The following DEUP1 variants were observed in gnomAD, a reference collection of about 807,000 sequenced individuals.
DEUP1 encodes deuterosome assembly protein 1.
In DEUP1, 82 loss-of-function variants were observed where a neutral mutation model predicts 87.4. That is an observed-to-expected ratio of 0.94 (90% confidence interval 0.78 to 1.13). The LOEUF (loss-of-function observed/expected upper bound fraction) is 1.13. Ranked by LOEUF, DEUP1 falls within the 50% of genes most tolerant of loss-of-function variation. The pLI is 0.00. For synonymous variants in DEUP1, 214 were observed against 222.7 expected (o/e 0.96, Z 0.35); for missense variants, 663 against 681.5 (o/e 0.97, Z 0.30).
chr11:93,394,528 T>TG lies in DEUP1; in HGVS notation c.1111_1112insG (p.Ser371CysfsTer2). On this transcript the variant is annotated frameshift_variant, in exon 10 of 14. Transcript: ENST00000298050. LOFTEE classifies it high-confidence loss of function. ...GCAGGAAAGAATGAGGAATGAAATC[T>TG]CTGACCTAACAGAAGAGCTTCATCA... The TG allele has an allele frequency of 6.2e-7, 1 of 1,610,228 alleles. No homozygotes were observed. Among genetic ancestry groups the TG allele is most frequent in the Non-Finnish European group, 8.5e-7 (1 of 1,178,076 alleles).
chr11:93,356,365 G>A (rs1222991369), intron 3 of DEUP1, among the ~76,000 whole-genome samples: 1 of 152,048 alleles, frequency 6.6e-6, no homozygotes, highest in East Asian at 1.9e-4. Context: ...AGTAGAGGTA[G>A]GTCATCAAAA....
chr11:93,420,934 A>G (rs1947856134), intron 13 of DEUP1, among the ~76,000 whole-genome samples: 1 of 57,472 alleles, frequency 1.7e-5, no homozygotes, highest in South Asian at 8.9e-4. Context: ...AAATGGAAGA[A>G]CATTCCATGC....
chr11:93,428,383 G>A (rs946652593), intron 13 of DEUP1, among the ~76,000 whole-genome samples: 7 of 151,498 alleles, frequency 4.6e-5, no homozygotes, highest in African/African-American at 1.7e-4. Context: ...CTCATTGATG[G>A]GCATTGAACA....
At chr11:93,366,164 A>C (rs369517754) in intron 5 of DEUP1, among the ~76,000 whole-genome samples, 1 of 152,184 alleles carries the variant, frequency 6.6e-6, no homozygotes, top group Admixed American at 6.5e-5. Flanking sequence ...AAATATACCA[A>C]CAAAAAAGGG....
chr11:93,360,976 A>G (rs1945149908), intron 4 of DEUP1, among the ~76,000 whole-genome samples: 1 of 151,956 alleles, frequency 6.6e-6, no homozygotes, highest in South Asian at 2.1e-4. Context: ...ATAAATCAAA[A>G]GACAGCCATA....
chr11:93,365,962 A>G (rs1381081244), intron 5 of DEUP1, among the ~76,000 whole-genome samples: 1 of 152,224 alleles, frequency 6.6e-6, no homozygotes, highest in Admixed American at 6.5e-5. Context: ...AACTGAAAAC[A>G]GGCCTTGCCT....
chr11:93,369,151 A>G (rs1945577530), intron 5 of DEUP1, among the ~76,000 whole-genome samples: 1 of 152,116 alleles, frequency 6.6e-6, no homozygotes, highest in Admixed American at 6.5e-5. Context: ...AGGGAGAAAG[A>G]AAGAGAGAGG....
In DEUP1 at chr11:93,355,421, T is replaced by A; in HGVS notation, c.80T>A (p.Ile27Asn). ...ELQELMEQID[I>N]MVSNKKMDWE... Reference sequence around the variant, plus strand: ...CAGGAATTAATGGAACAAATTGACATCATGGTAAGCAACAAGAAAATGGAT... The same window carrying A: ...CAGGAATTAATGGAACAAATTGACAACATGGTAAGCAACAAGAAAATGGAT... Residue 27 changes from isoleucine to asparagine, a missense_variant, in exon 3 of 14, where the codon ATC becomes AAC. Coordinates refer to ENST00000298050, the MANE Select transcript of DEUP1 (RefSeq NM_181645.4). The A allele has an allele frequency of 6.2e-7, 1 of 1,613,722 alleles. No individual in the cohort carries two copies. The highest frequency in any genetic ancestry group is 8.5e-7 in the Non-Finnish European group (1 of 1,179,750).
chr11:93,415,438 T>C lies in DEUP1; in HGVS notation c.1638+324T>C, dbSNP rs148812389. 5.9e-5 allele frequency among the ~76,000 whole-genome samples: 9 copies of C among 152,280 alleles called. No homozygotes were observed. The East Asian group carries it at 1.7e-3, about 29-fold the overall frequency. Reference sequence around the variant, plus strand: ...CCATGAGTCCTCAAGGATCCGTATATTTTAAAGAGCTACAGTGATCTTTTG... The same window carrying C: ...CCATGAGTCCTCAAGGATCCGTATACTTTAAAGAGCTACAGTGATCTTTTG... On this transcript the variant is annotated intron_variant, in intron 13 of 13. Transcript: ENST00000298050.
intron 2 of DEUP1, among the ~76,000 whole-genome samples, chr11:93,337,104 T>C (rs1309900508): frequency 6.6e-6 from 1 of 152,198 alleles, no homozygotes; most frequent in African/African-American, 2.4e-5. Flanking sequence ...ACCAGATTCT[T>C]CTTATCTGCT....
At chr11:93,419,852 A>C (rs1300604418) in intron 13 of DEUP1, among the ~76,000 whole-genome samples, 1 of 147,516 alleles carries the variant, frequency 6.8e-6, no homozygotes, top group Non-Finnish European at 1.5e-5. Context: ...CCTTCAAAAA[A>C]ATAATAAAAT....
intron 13 of DEUP1, among the ~76,000 whole-genome samples, chr11:93,419,182 TAA>T (rs1565349295): frequency 1.7e-4 from 19 of 115,030 alleles, no homozygotes; most frequent in South Asian, 3.1e-4. Context: ...TAAAGTATAA[TAA>T]TAAAAAAAAA....
At position 93,383,596 on chromosome 11, in the gene DEUP1, A is replaced by G. The variant is rs979569828; in HGVS notation, c.790-1802A>G. The G allele has an allele frequency of 1.8e-5, 12 of 671,952 alleles. No individual in the cohort carries two copies. The Admixed American group carries it at 2.0e-4, about 11-fold the overall frequency. The allele number at this position is 671,952 out of a possible 1,614,324, so 41.6% of individuals were successfully genotyped here. ...AAAACTGCTGGATTGTACACTTTAA[A>G]TGGGCGAATTTATGGTATGTGGATT... On this transcript the variant is annotated intron_variant, in intron 7 of 13. Transcript: ENST00000298050.
intron 13 of DEUP1, among the ~76,000 whole-genome samples, chr11:93,434,614 A>G (rs1022292308): frequency 2.0e-5 from 3 of 152,184 alleles, no homozygotes; most frequent in African/African-American, 7.2e-5. Flanking sequence ...TGGGAGCCAA[A>G]GCTCTAAGTT....
intron 12 of DEUP1, among the ~76,000 whole-genome samples, chr11:93,410,410 T>G (rs545976709): frequency 1.3e-5 from 2 of 152,014 alleles, no homozygotes; most frequent in African/African-American, 2.4e-5. Flanking sequence ...TCCAAAGGAG[T>G]GTAATCCTGA....
At chr11:93,390,780 T>C (rs974371097) in intron 9 of DEUP1, among the ~76,000 whole-genome samples, 2 of 152,038 alleles carry the variant, frequency 1.3e-5, no homozygotes, top group African/African-American at 4.8e-5. Flanking sequence ...ACAAATGAAT[T>C]TTATATAAAT....
intron 8 of DEUP1, among the ~76,000 whole-genome samples, chr11:93,385,967 C>T (rs932509183): frequency 2.0e-5 from 3 of 151,590 alleles, no homozygotes; most frequent in African/African-American, 4.9e-5. Flanking sequence ...CTGGGAGGGT[C>T]GCTTGAGCCT....
intron 9 of DEUP1, among the ~76,000 whole-genome samples, chr11:93,392,034 C>T (rs12276463): frequency 0.26 from 38,977 of 151,870 alleles, 5,263 homozygotes; most frequent in Middle Eastern, 0.38. Flanking sequence ...TCTGAATATG[C>T]TGGTAATATG....
chr11:93,355,442 TG>T lies in DEUP1; in HGVS notation c.103del (p.Asp35IlefsTer13), dbSNP rs1329411600. ...GACATCATGGTAAGCAACAAGAAAA[TG>T]GATTGGGAAAGAAAGATGCGGGCTT... ...QIDIMVSNKK[M>X]DWERKMRALE... On this transcript the variant is annotated frameshift_variant, in exon 3 of 14. Coordinates refer to ENST00000298050, the MANE Select transcript of DEUP1 (RefSeq NM_181645.4). LOFTEE classifies it high-confidence loss of function. 2 of 1,613,448 alleles carry T rather than the reference TG, an allele frequency of 1.2e-6. No individual in the cohort carries two copies. Among genetic ancestry groups the T allele is most frequent in the East Asian group, 4.5e-5 (2 of 44,812 alleles).
Sources: allele counts gnomAD v4.1 joint callset (sites outside exome capture counted in the v4.1 genomes callset), GRCh38; gene constraint gnomAD v4.1.1; transcripts MANE v1.5; gene names NCBI Gene and HGNC (gene_info 2026-07-23, HGNC 2026-07-21).